The following HIBCH variants were observed in gnomAD, a reference collection of about 807,000 sequenced individuals.
The protein encoded by HIBCH is 3-hydroxyisobutyryl-CoA hydrolase.
Under a neutral mutation model 58.2 loss-of-function variants are expected in HIBCH, and 50 were observed. The observed-to-expected ratio is 0.86, with a 90% CI of 0.68 to 1.09. The LOEUF is 1.09. Ranked by LOEUF, HIBCH falls within the 50% of genes least tolerant of loss-of-function variation. The pLI is 0.00. For synonymous variants in HIBCH, 151 were observed against 146.9 expected (o/e 1.03, Z -0.20); for missense variants, 450 against 449.7 (o/e 1.00, Z -0.01).
At chr2:190,251,728 G>A (rs1575725836) in intron 8 of HIBCH, among the ~76,000 whole-genome samples, 1 of 149,486 alleles carries the variant, frequency 6.7e-6, no homozygotes, top group Non-Finnish European at 1.5e-5. Flanking sequence ...CCTTGTAACA[G>A]ATGTGTTTTA....
At chr2:190,200,128 A>G (rs1690181728), downstream of HIBCH, 1 of 1,613,922 alleles carries the variant, frequency 6.2e-7, no homozygotes, top group Non-Finnish European at 8.5e-7. Context: ...CATTCCATAC[A>G]TTGAGAGTGA....
chr2:190,245,303 C>T (rs1417369830), intron 10 of HIBCH: 1 of 247,810 alleles, frequency 4.0e-6, no homozygotes, highest in East Asian at 1.0e-4. Context: ...CTCTTGTTTC[C>T]CAAAGCCAGT....
chr2:190,250,382 T>C (rs1686729951), intron 8 of HIBCH: 1 of 470,272 alleles, frequency 2.1e-6, no homozygotes, highest in Non-Finnish European at 4.4e-6. Flanking sequence ...TACCATACTT[T>C]ACCTCTGCCA....
chr2:190,199,721 T>C, downstream of HIBCH: 1 of 1,478,582 alleles, frequency 6.8e-7, no homozygotes, highest in South Asian at 1.4e-5. Context: ...TGAAGAGTGG[T>C]GAAAGGGAAC....
chr2:190,302,203 A>G (rs1688281682), intron 2 of HIBCH, among the ~76,000 whole-genome samples: 1 of 152,242 alleles, frequency 6.6e-6, no homozygotes, highest in Non-Finnish European at 1.5e-5. Context: ...AGCCTCTGGC[A>G]GAAGCCAAGA....
intron 6 of HIBCH, among the ~76,000 whole-genome samples, chr2:190,262,335 C>T (rs895387449): frequency 7.9e-5 from 12 of 152,144 alleles, no homozygotes; most frequent in African/African-American, 2.9e-4. Context: ...GGAACATAAG[C>T]AATGCCTAAG....
Position 190,233,073 on chromosome 2 carries a change from G to C in HIBCH, c.891+11814C>G, listed in dbSNP as rs533565539. Among the ~76,000 whole-genome samples, 40 of 152,286 alleles carry C rather than the reference G, an allele frequency of 2.6e-4. No homozygotes were observed. The South Asian group carries it at 5.8e-3, about 22-fold the overall frequency. ...AGTGATCTTGGGGACCCTTGACACAGAGGGCAATGAACCATTGCCTTTTAG... is the reference window on the plus strand; with the variant it reads ...AGTGATCTTGGGGACCCTTGACACACAGGGCAATGAACCATTGCCTTTTAG... On this transcript the variant is annotated intron_variant, in intron 11 of 13. Coordinates refer to ENST00000359678, the MANE Select transcript of HIBCH (RefSeq NM_014362.4).
intron 11 of HIBCH, among the ~76,000 whole-genome samples, chr2:190,219,624 A>G (rs1029401721): frequency 2.0e-5 from 3 of 152,254 alleles, no homozygotes; most frequent in African/African-American, 7.2e-5. Flanking sequence ...GTGGGCTGCA[A>G]CAAAATGCAG....
intron 11 of HIBCH, among the ~76,000 whole-genome samples, chr2:190,228,102 A>G (rs913082112): frequency 1.3e-5 from 2 of 152,106 alleles, no homozygotes; most frequent in African/African-American, 2.4e-5. Context: ...ACATGCACAC[A>G]TATGTTTATT....
intron 11 of HIBCH, among the ~76,000 whole-genome samples, chr2:190,240,874 T>C (rs1686432042): frequency 6.6e-6 from 1 of 152,240 alleles, no homozygotes. Context: ...TTACATTTGC[T>C]GAGGAGTGTT....
chr2:190,256,113 A>C (rs747594919), intron 7 of HIBCH, among the ~76,000 whole-genome samples: 2 of 152,132 alleles, frequency 1.3e-5, no homozygotes, highest in African/African-American at 4.8e-5. Context: ...GAGAACAGCA[A>C]GGGAGACACT....
chr2:190,192,452 CTGTGTGTGTGTGTGTGTGTGTGTGTG>C, intron 1 of HIBCH, among the ~76,000 whole-genome samples: 1 of 145,358 alleles, frequency 6.9e-6, no homozygotes, highest in Middle Eastern at 3.4e-3. Context: ...AATTCAGAAT[CTGTGTGTGTGTGTGTGTGTGTGTGTG>C]TGTGTGTGTG....
At chr2:190,276,598 TTCTC>T (rs1450679624) in intron 6 of HIBCH, among the ~76,000 whole-genome samples, 1 of 152,218 alleles carries the variant, frequency 6.6e-6, no homozygotes, top group Non-Finnish European at 1.5e-5. Flanking sequence ...ATGTAGCACC[TTCTC>T]TCTTTCTCAC....
intron 4 of HIBCH, 92 bp downstream of exon 4, chr2:190,294,454 A>G (rs995067416): frequency 1.8e-5 from 16 of 885,982 alleles, no homozygotes; most frequent in Admixed American, 1.2e-4. Flanking sequence ...CTAAAAAGTA[A>G]AGCAAATTAT....
At chr2:190,234,437 A>C (rs1333387705) in intron 11 of HIBCH, among the ~76,000 whole-genome samples, 1 of 152,234 alleles carries the variant, frequency 6.6e-6, no homozygotes, top group African/African-American at 2.4e-5. Flanking sequence ...GAATAAGTGA[A>C]CTGCAATACA....
At chr2:190,276,177 C>T (rs1687545960) in intron 6 of HIBCH, among the ~76,000 whole-genome samples, 1 of 152,186 alleles carries the variant, frequency 6.6e-6, no homozygotes, top group Admixed American at 6.6e-5. Flanking sequence ...AGGCAGGTTG[C>T]TGGTTGACTT....
intron 2 of HIBCH, among the ~76,000 whole-genome samples, chr2:190,299,174 ACAG>A (rs1263884721): frequency 6.6e-6 from 1 of 152,218 alleles, no homozygotes; most frequent in Non-Finnish European, 1.5e-5. Context: ...TTAAAACTAA[ACAG>A]CACACTTATT....
rs533523598 is a variant in HIBCH, at chr2:190,267,009, G to A, written c.439-5775C>T. ...TGACCTCAAGTGACCCAAATGCCTCGGCCTCCCAAAATGCTGGGATTACAG... is the reference window on the plus strand; with the variant it reads ...TGACCTCAAGTGACCCAAATGCCTCAGCCTCCCAAAATGCTGGGATTACAG... On this transcript the variant is annotated intron_variant, in intron 6 of 13. Transcript: ENST00000359678. Among the ~76,000 whole-genome samples the A allele has an allele frequency of 9.2e-5, 14 of 152,050 alleles. No individual in the cohort carries two copies. In the East Asian group the frequency reaches 9.6e-4, roughly 10 times the overall value.
At chr2:190,199,647 A>G (rs1031188331), downstream of HIBCH, 3 of 1,213,826 alleles carry the variant, frequency 2.5e-6, no homozygotes, top group Admixed American at 3.0e-5. Context: ...TCAATCATAC[A>G]CTATTTTGCA....
Sources: allele counts gnomAD v4.1 joint callset (sites outside exome capture counted in the v4.1 genomes callset), GRCh38; gene constraint gnomAD v4.1.1; transcripts MANE v1.5; gene names NCBI Gene and HGNC (gene_info 2026-07-23, HGNC 2026-07-21).